The following DCUN1D3 variants were observed in gnomAD, a reference collection of about 807,000 sequenced individuals.
The protein encoded by DCUN1D3 is defective in cullin neddylation 1 domain containing 3.
In DCUN1D3, 6 loss-of-function variants were observed where a neutral mutation model predicts 24.8. The observed-to-expected ratio is 0.24, with a 90% CI of 0.13 to 0.48. The LOEUF is 0.48. DCUN1D3 is among the 20% of genes least tolerant of loss of function. The pLI, the probability that DCUN1D3 is intolerant of heterozygous loss-of-function variation, is 0.99. For missense variants in DCUN1D3, 258 were observed against 379.4 expected, an observed-to-expected ratio of 0.68 and a Z score of 2.66; for synonymous variants, 120 against 144.9, an observed-to-expected ratio of 0.83 and a Z score of 1.24.
At chr16:20,864,308 C>T (rs879969070) in intron 1 of DCUN1D3, among the ~76,000 whole-genome samples, 1 of 151,718 alleles carries the variant, frequency 6.6e-6, no homozygotes, top group Non-Finnish European at 1.5e-5. Context: ...AACAAATAAC[C>T]CCATTAAAAA....
At chr16:20,874,682 C>T (rs2081805129) in intron 1 of DCUN1D3, among the ~76,000 whole-genome samples, 1 of 152,168 alleles carries the variant, frequency 6.6e-6, no homozygotes, top group Admixed American at 6.5e-5. Flanking sequence ...GACAATTTCT[C>T]TTTGATTTTA....
chr16:20,862,699 C>A, intron 1 of DCUN1D3, 56 bp from the exon 2 acceptor site: 1 of 1,458,046 alleles, frequency 6.9e-7, no homozygotes, highest in Non-Finnish European at 9.0e-7. Context: ...GGTATGGACC[C>A]TACCTTCTAG....
At chr16:20,885,880 G>T (rs1373570967) in intron 1 of DCUN1D3, among the ~76,000 whole-genome samples, 2 of 152,144 alleles carry the variant, frequency 1.3e-5, no homozygotes, top group African/African-American at 4.8e-5. Context: ...TTGAATCCAT[G>T]CACTGGCTTG....
At position 20,856,849 on chromosome 16, in the gene DCUN1D3, T is replaced by C. The variant is rs2081704962; in HGVS notation, c.*3037A>G. ...GTTGTCAAAACTGAGTTATTTCTTA[T>C]TTCCCAACACACTTGTTTGTTGTTG... On this transcript the variant is annotated 3_prime_UTR_variant, in exon 3 of 3. Coordinates refer to ENST00000324344, the MANE Select transcript of DCUN1D3 (RefSeq NM_173475.4). The C allele has an allele frequency of 6.6e-6, 1 of 152,232 alleles. No individual in the cohort carries two copies. Among genetic ancestry groups the C allele is most frequent in the Admixed American group, 6.5e-5 (1 of 15,272 alleles). 9.4% of individuals were successfully genotyped at this position (152,232 alleles called of 1,614,324 possible). A position where few individuals can be genotyped will look rare whatever the true frequency, so the allele number is the denominator to read the frequency against.
chr16:20,863,463 G>A (rs187053063), intron 1 of DCUN1D3, among the ~76,000 whole-genome samples: 47 of 152,338 alleles, frequency 3.1e-4, no homozygotes, highest in Non-Finnish European at 5.6e-4. Flanking sequence ...GACTGGGGCC[G>A]GTTGCAGTGG....
In DCUN1D3 at chr16:20,855,188, C is replaced by G. The variant is rs2081696587; in HGVS notation, c.*4698G>C. 1 of 152,218 alleles carries G rather than the reference C, an allele frequency of 6.6e-6. No individual in the cohort carries two copies. Among genetic ancestry groups the G allele is most frequent in the Non-Finnish European group, 1.5e-5 (1 of 68,028 alleles). 9.4% of individuals were successfully genotyped at this position (152,218 alleles called of 1,614,324 possible). A position where few individuals can be genotyped will look rare whatever the true frequency, so the allele number is the denominator to read the frequency against. ...GGTGGAGGGTCACATGAGCAGTGGA[C>G]TCATCACCTCAGCGGCTTAAGGCAG... On this transcript the variant is annotated 3_prime_UTR_variant, in exon 3 of 3. Coordinates refer to ENST00000324344, the MANE Select transcript of DCUN1D3 (RefSeq NM_173475.4).
rs762892022 is a variant in DCUN1D3 at position 20,862,270 on chromosome 16, C to A, written c.269G>T (p.Arg90Ile). 6.2e-7 allele frequency: 1 copy of A among 1,614,244 alleles called. No homozygotes were observed. Among genetic ancestry groups the A allele is most frequent in the East Asian group, 2.2e-5 (1 of 44,888 alleles). ...GTAGCGCCTGAACAGTTCTTCCAAT[C>A]TTTGCAAGGAAGACTCCTCGGCATT... ...KSNAEESSLQ[R>I]LEELFRRYKD... Residue 90 changes from arginine to isoleucine, a missense_variant, in exon 2 of 3, where the codon AGA (arginine) becomes ATA (isoleucine). By Grantham distance (97) the Arg-to-Ile change is moderately conservative. Transcript: ENST00000324344.
chr16:20,893,384 A>G (rs988264363), intron 1 of DCUN1D3, among the ~76,000 whole-genome samples: 1 of 152,034 alleles, frequency 6.6e-6, no homozygotes, highest in Non-Finnish European at 1.5e-5. Context: ...TGTTGCCCAG[A>G]CTGGTCTCAA....
intron 1 of DCUN1D3, among the ~76,000 whole-genome samples, chr16:20,871,211 G>A (rs879276934): frequency 5.9e-5 from 9 of 152,146 alleles, no homozygotes; most frequent in African/African-American, 2.2e-4. Flanking sequence ...CAAAGCAAAC[G>A]AGACCCGTCT....
chr16:20,892,170 C>G (rs188801003), intron 1 of DCUN1D3, among the ~76,000 whole-genome samples: 7 of 152,338 alleles, frequency 4.6e-5, no homozygotes, highest in Admixed American at 4.6e-4. Flanking sequence ...GATACACCAA[C>G]TGTTTTGAGT....
intron 1 of DCUN1D3, among the ~76,000 whole-genome samples, chr16:20,896,992 A>G (rs2081918899): frequency 6.6e-6 from 1 of 152,240 alleles, no homozygotes; most frequent in South Asian, 2.1e-4. Context: ...ATCCTTCTAC[A>G]GGTGCCACGA....
intron 1 of DCUN1D3, among the ~76,000 whole-genome samples, chr16:20,865,526 A>C (rs1485505348): frequency 6.6e-6 from 1 of 152,194 alleles, no homozygotes; most frequent in Non-Finnish European, 1.5e-5. Flanking sequence ...AACTTTGCCA[A>C]CTGCTATAAT....
rs372930202 is a variant in DCUN1D3, at chr16:20,877,898, C to T, written c.-105-15255G>A. On this transcript the variant is annotated intron_variant, in intron 1 of 2. Coordinates refer to ENST00000324344, the MANE Select transcript of DCUN1D3 (RefSeq NM_173475.4). ...TTAACTTCAAACTTCTGGGCTTAAA[C>T]GATCCTCCCACCTTAGCCTCCCAAA... Among the ~76,000 whole-genome samples, 19 of 152,318 alleles carry T rather than the reference C, an allele frequency of 1.2e-4. No homozygotes were observed. The East Asian group carries it at 3.3e-3, about 26-fold the overall frequency.
chr16:20,860,096 G>C lies in DCUN1D3; in HGVS notation c.705C>G (p.Ile235Met). The change falls in exon 3 of 3, where the codon ATC (isoleucine) becomes ATG (methionine). Residue 235 changes from isoleucine to methionine, a missense_variant. Ile to Met is a conservative substitution (Grantham distance 10). Transcript: ENST00000324344. The surrounding 1 kb of genome is among the most constrained non-coding windows in gnomAD (Gnocchi z 4.3). ...LNFLTENPSGIKGISRDTWNM... is the reference protein window; with the variant it reads ...LNFLTENPSGMKGISRDTWNM... ...TCCAAGTGTCCCGGGAGATGCCCTT[G>C]ATCCCCGAGGGGTTCTCTGTTAGGA... 6.2e-7 allele frequency: 1 copy of C among 1,614,258 alleles called. No individual in the cohort carries two copies.
chr16:20,860,494 C>G lies in DCUN1D3; in HGVS notation c.432-125G>C, dbSNP rs974632200. On this transcript the variant is annotated intron_variant, in intron 2 of 2. Coordinates refer to ENST00000324344, the MANE Select transcript of DCUN1D3 (RefSeq NM_173475.4). The surrounding 1 kb of genome is among the most constrained non-coding windows in gnomAD (Gnocchi z 4.3). ...TGAATTTGAATTCTAACTCCTCCAA[C>G]TAATTAGTCCTATTTCCTTACTTGT... 3 of 975,478 alleles carry G rather than the reference C, an allele frequency of 3.1e-6. No individual in the cohort carries two copies. In the African/African-American group the frequency reaches 4.9e-5, roughly 16 times the overall value. 60.4% of individuals were successfully genotyped at this position (975,478 alleles called of 1,614,324 possible).
At chr16:20,881,005 G>A (rs2081841051) in intron 1 of DCUN1D3, among the ~76,000 whole-genome samples, 1 of 152,090 alleles carries the variant, frequency 6.6e-6, no homozygotes, top group Non-Finnish European at 1.5e-5. Flanking sequence ...TACTCCGATA[G>A]AGTGGTTTTT....
chr16:20,857,000 A>C lies in DCUN1D3; in HGVS notation c.*2886T>G, dbSNP rs1443630738. 1 of 152,200 alleles carries C rather than the reference A, an allele frequency of 6.6e-6. No homozygotes were observed. Among genetic ancestry groups the C allele is most frequent in the East Asian group, 1.9e-4 (1 of 5,190 alleles). 9.4% of individuals were successfully genotyped at this position (152,200 alleles called of 1,614,324 possible). ...GAGGGGCATGCATTCAGCCTCTTAC[A>C]CAGACTTACTGCTCACTCATTAAGT... is the stretch of plus-strand genomic sequence containing the variant. On this transcript the variant is annotated 3_prime_UTR_variant, in exon 3 of 3. Transcript: ENST00000324344.
At chr16:20,890,239 TTA>T (rs2081886318) in intron 1 of DCUN1D3, among the ~76,000 whole-genome samples, 1 of 152,022 alleles carries the variant, frequency 6.6e-6, no homozygotes, top group Admixed American at 6.6e-5. Flanking sequence ...ACCTCCAAAT[TTA>T]TAGTCTGCTG....
intron 1 of DCUN1D3, among the ~76,000 whole-genome samples, chr16:20,868,496 A>C (rs2081773324): frequency 6.6e-6 from 1 of 152,270 alleles, no homozygotes; most frequent in Non-Finnish European, 1.5e-5. Context: ...GGAACTTTAA[A>C]TCGAGGCAGT....
Sources: allele counts gnomAD v4.1 joint callset (sites outside exome capture counted in the v4.1 genomes callset), GRCh38; gene constraint gnomAD v4.1.1; non-coding constraint Gnocchi (gnomAD v3.1); transcripts MANE v1.5; gene names NCBI Gene and HGNC (gene_info 2026-07-23, HGNC 2026-07-21).